The following SDK1 variants were observed in gnomAD, a reference collection of about 807,000 sequenced individuals.
The protein encoded by SDK1 is sidekick cell adhesion molecule 1.
A neutral mutation model predicts 245.5 loss-of-function variants in SDK1; 157 were observed. That is an observed-to-expected ratio of 0.64 (90% CI 0.56 to 0.73). SDK1 has a LOEUF of 0.73. Among genes scored for constraint, SDK1 ranks in the 30% least tolerant of loss-of-function variants. The pLI is 0.00. For missense variants in SDK1, 3,583 were observed against 3,002.3 expected (o/e 1.19, Z -4.52); for synonymous variants, 1,647 against 1,278.5 (o/e 1.29, Z -6.15).
chr7:4,074,509 G>A (rs1025650559), intron 20 of SDK1, among the ~76,000 whole-genome samples: 1 of 152,100 alleles, frequency 6.6e-6, no homozygotes, highest in Admixed American at 6.5e-5. Flanking sequence ...AATGGGGCAG[G>A]CTAGATGTCT....
intron 1 of SDK1, among the ~76,000 whole-genome samples, chr7:3,393,644 T>C (rs936256219): frequency 1.3e-5 from 2 of 152,210 alleles, no homozygotes; most frequent in African/African-American, 4.8e-5. Flanking sequence ...TTCTGTTGCA[T>C]TCTTCAGTAC....
rs552594733 is a variant in SDK1 at position 4,128,326 on chromosome 7, C to T, written c.3939+830C>T. ...CTCCCTTCCCCGGGTGTTCTAAGTG[C>T]GCCCTGCTGGCTCTGTGACACATGG... On this transcript the variant is annotated intron_variant, in intron 26 of 44. Transcript: ENST00000404826. Among the ~76,000 whole-genome samples, 7 of 152,340 alleles carry T rather than the reference C, an allele frequency of 4.6e-5. No homozygotes were observed. The South Asian group carries it at 1.0e-3, about 23-fold the overall frequency.
chr7:4,093,243 A>C (rs1781918678), intron 22 of SDK1, among the ~76,000 whole-genome samples: 1 of 152,156 alleles, frequency 6.6e-6, no homozygotes, highest in African/African-American at 2.4e-5. Flanking sequence ...AAAAGGGAGA[A>C]TGCAAATGTT....
chr7:3,468,409 C>G (rs147139570), intron 1 of SDK1, among the ~76,000 whole-genome samples: 3 of 152,136 alleles, frequency 2.0e-5, no homozygotes, highest in African/African-American at 4.8e-5. Flanking sequence ...CAGTCGCATT[C>G]TCCCCCGAAT....
intron 2 of SDK1, among the ~76,000 whole-genome samples, chr7:3,625,377 A>T (rs1336902426): frequency 6.6e-6 from 1 of 152,222 alleles, no homozygotes; most frequent in Non-Finnish European, 1.5e-5. Flanking sequence ...ACAAACTGGG[A>T]CAATATTTGC....
rs1279938052 is a variant in SDK1 at position 4,268,751 on chromosome 7, C to T, written c.*3367C>T. Reference sequence around the variant, plus strand: ...TCCCCGTGGGTCAGCGTCCTGGTAGCATGGATCCAGTCTGAAAGGTGAGGA... The same window carrying T: ...TCCCCGTGGGTCAGCGTCCTGGTAGTATGGATCCAGTCTGAAAGGTGAGGA... On this transcript the variant is annotated 3_prime_UTR_variant, in exon 45 of 45. Coordinates refer to ENST00000404826, the MANE Select transcript of SDK1 (RefSeq NM_152744.4). 12 of 1,367,696 alleles carry T rather than the reference C, an allele frequency of 8.8e-6. No homozygotes were observed. The highest frequency in any genetic ancestry group is 8.8e-6 in the Non-Finnish European group (9 of 1,021,840). 84.7% of individuals were successfully genotyped at this position (1,367,696 alleles called of 1,614,324 possible).
intron 4 of SDK1, among the ~76,000 whole-genome samples, chr7:3,665,874 G>C (rs997203474): frequency 2.0e-5 from 3 of 152,064 alleles, no homozygotes; most frequent in Non-Finnish European, 2.9e-5. Context: ...GATTGACTTA[G>C]TGATGAAGAT....
chr7:3,985,939 T>C (rs547760632), intron 13 of SDK1, among the ~76,000 whole-genome samples: 47 of 152,314 alleles, frequency 3.1e-4, no homozygotes, highest in African/African-American at 1.1e-3. Flanking sequence ...CAGTACCTGA[T>C]GTCTGAGAGA....
chr7:3,379,192 G>A (rs997540307), intron 1 of SDK1, among the ~76,000 whole-genome samples: 1 of 152,154 alleles, frequency 6.6e-6, no homozygotes, highest in Non-Finnish European at 1.5e-5. Flanking sequence ...ATTGTGCGGG[G>A]CAATGTGCTG....
At chr7:3,522,574 G>A (rs1782977991) in intron 1 of SDK1, among the ~76,000 whole-genome samples, 1 of 152,024 alleles carries the variant, frequency 6.6e-6, no homozygotes, top group African/African-American at 2.4e-5. Context: ...CTCATAGAAG[G>A]AGCCCTGATA....
At chr7:4,248,525 C>T (rs889456897) in intron 44 of SDK1, among the ~76,000 whole-genome samples, 15 of 151,730 alleles carry the variant, frequency 9.9e-5, no homozygotes, top group South Asian at 4.2e-4. Context: ...TGCACACATA[C>T]GTACACATAC....
chr7:4,167,142 C>T (rs1781547001), intron 32 of SDK1, among the ~76,000 whole-genome samples: 1 of 152,152 alleles, frequency 6.6e-6, no homozygotes, highest in Admixed American at 6.5e-5. Context: ...GCCTGTAATC[C>T]CAGCACTTTG....
chr7:3,558,687 A>G (rs1307319097), intron 1 of SDK1, among the ~76,000 whole-genome samples: 1 of 152,248 alleles, frequency 6.6e-6, no homozygotes, highest in Non-Finnish European at 1.5e-5. Context: ...TGTGTCTGAG[A>G]TTATCAAGTC....
intron 4 of SDK1, among the ~76,000 whole-genome samples, chr7:3,670,594 G>C (rs569432663): frequency 2.1e-4 from 32 of 152,256 alleles, no homozygotes; most frequent in African/African-American, 7.2e-4. Flanking sequence ...GTAGCACAGT[G>C]ACTGACAGTT....
intron 1 of SDK1, among the ~76,000 whole-genome samples, chr7:3,473,269 G>A (rs1028228366): frequency 6.6e-6 from 1 of 152,180 alleles, no homozygotes; most frequent in Non-Finnish European, 1.5e-5. Flanking sequence ...CTGCCTCTTA[G>A]AAGGCTGGTT....
At position 3,854,268 on chromosome 7, in the gene SDK1, T is replaced by G. The variant is rs988281709; in HGVS notation, c.847+32685T>G. Among the ~76,000 whole-genome samples, 3 of 152,198 alleles carry G rather than the reference T, an allele frequency of 2.0e-5. No homozygotes were observed. In the South Asian group the frequency reaches 6.2e-4, roughly 32 times the overall value. ...ATCTCAACTCTGTTCCTTCCTAGTT[T>G]TGTGACTGAGAGAAGACTACCTAAG... On this transcript the variant is annotated intron_variant, in intron 5 of 44. Transcript: ENST00000404826.
At chr7:4,186,733 C>T (rs1007732481) in intron 35 of SDK1, among the ~76,000 whole-genome samples, 2 of 152,180 alleles carry the variant, frequency 1.3e-5, no homozygotes, top group African/African-American at 2.4e-5. Flanking sequence ...CCTCACTAAG[C>T]CCTCAAATGC....
At chr7:3,760,314 A>G (rs1018909264) in intron 4 of SDK1, among the ~76,000 whole-genome samples, 31 of 152,192 alleles carry the variant, frequency 2.0e-4, no homozygotes, top group African/African-American at 7.0e-4. Flanking sequence ...GGTGCACACA[A>G]TTACCAACCA....
intron 22 of SDK1, among the ~76,000 whole-genome samples, chr7:4,098,768 A>G (rs962164983): frequency 3.3e-5 from 5 of 149,348 alleles, no homozygotes; most frequent in Non-Finnish European, 5.9e-5. Context: ...AGCTCAAGCA[A>G]TTCTCCCACC....
Sources: allele counts gnomAD v4.1 joint callset (sites outside exome capture counted in the v4.1 genomes callset), GRCh38; gene constraint gnomAD v4.1.1; transcripts MANE v1.5; gene names NCBI Gene and HGNC (gene_info 2026-07-23, HGNC 2026-07-21).